SDK1: variants seen among roughly 807,000 people sequenced by gnomAD.
SDK1 encodes sidekick cell adhesion molecule 1.
In SDK1, 157 loss-of-function variants were observed where a neutral mutation model predicts 245.5. That is an observed-to-expected ratio of 0.64 (90% CI 0.56 to 0.73). SDK1 has a LOEUF of 0.73. Ranked by LOEUF, SDK1 falls within the 30% of genes least tolerant of loss-of-function variation. The pLI, the probability that SDK1 is intolerant of heterozygous loss-of-function variation, is 0.00. For missense variants in SDK1, 3,583 were observed against 3,002.3 expected, an observed-to-expected ratio of 1.19 and a Z score of -4.52; for synonymous variants, 1,647 against 1,278.5, an observed-to-expected ratio of 1.29 and a Z score of -6.15.
chr7:4,175,424 G>C (rs959593700), intron 33 of SDK1, among the ~76,000 whole-genome samples: 21 of 152,348 alleles, frequency 1.4e-4, no homozygotes, highest in African/African-American at 4.6e-4. Context: ...CCCTGCGTGA[G>C]CATGAGTCAG....
chr7:3,553,512 C>T (rs948659140), intron 1 of SDK1, among the ~76,000 whole-genome samples: 1 of 152,170 alleles, frequency 6.6e-6, no homozygotes, highest in Non-Finnish European at 1.5e-5. Context: ...CACATTCCCT[C>T]ACCCATCAGG....
At chr7:4,138,605 G>A (rs1214880548) in intron 28 of SDK1, among the ~76,000 whole-genome samples, 1 of 151,912 alleles carries the variant, frequency 6.6e-6, no homozygotes, top group Non-Finnish European at 1.5e-5. Flanking sequence ...AAATTAGCTG[G>A]GCATGTTGGC....
chr7:3,826,387 C>T (rs930829659), intron 5 of SDK1, among the ~76,000 whole-genome samples: 2 of 152,152 alleles, frequency 1.3e-5, no homozygotes, highest in Non-Finnish European at 2.9e-5. Flanking sequence ...TTTCTTGATA[C>T]AATCTAGTTT....
chr7:4,184,370 C>A (rs1217697249), intron 35 of SDK1, among the ~76,000 whole-genome samples: 1 of 152,162 alleles, frequency 6.6e-6, no homozygotes, highest in African/African-American at 2.4e-5. Context: ...GGCCTTGAGA[C>A]CTTGTGCTGC....
At chr7:3,997,809 G>A (rs978791963) in intron 14 of SDK1, among the ~76,000 whole-genome samples, 4 of 152,110 alleles carry the variant, frequency 2.6e-5, no homozygotes, top group African/African-American at 9.7e-5. Context: ...GGGCCTCACC[G>A]GAGACCCACC....
At chr7:3,890,677 C>T (rs1395626849) in intron 5 of SDK1, among the ~76,000 whole-genome samples, 10 of 151,568 alleles carry the variant, frequency 6.6e-5, no homozygotes, top group Middle Eastern at 3.5e-3. Flanking sequence ...TGTGGTAGCT[C>T]GTGCCTGTAA....
intron 5 of SDK1, among the ~76,000 whole-genome samples, chr7:3,939,234 T>C (rs1375557659): frequency 6.6e-6 from 1 of 152,384 alleles, no homozygotes; most frequent in African/African-American, 2.4e-5. Flanking sequence ...CCCACACATG[T>C]GATTCCTCTC....
intron 1 of SDK1, among the ~76,000 whole-genome samples, chr7:3,490,758 T>G (rs1781840872): frequency 6.6e-6 from 1 of 152,192 alleles, no homozygotes; most frequent in Admixed American, 6.5e-5. Flanking sequence ...AGCTCCTGTC[T>G]TACAGTCTCA....
intron 17 of SDK1, among the ~76,000 whole-genome samples, chr7:4,019,424 G>T (rs1786686393): frequency 6.6e-6 from 1 of 152,194 alleles, no homozygotes; most frequent in Admixed American, 6.5e-5. Context: ...TGCTTAGCTA[G>T]TGGGCTGGGG....
At chr7:3,767,520 A>G (rs1410613973) in intron 4 of SDK1, among the ~76,000 whole-genome samples, 1 of 152,234 alleles carries the variant, frequency 6.6e-6, no homozygotes, top group African/African-American at 2.4e-5. Flanking sequence ...AATGAAATTC[A>G]TGATAGCTAA....
At chr7:3,915,787 G>A (rs1779354495) in intron 5 of SDK1, among the ~76,000 whole-genome samples, 1 of 152,164 alleles carries the variant, frequency 6.6e-6, no homozygotes, top group Non-Finnish European at 1.5e-5. Flanking sequence ...GACTGACTGG[G>A]TTTTACACGT....
intron 1 of SDK1, among the ~76,000 whole-genome samples, chr7:3,618,509 G>C (rs141760479): frequency 6.6e-6 from 1 of 152,140 alleles, no homozygotes; most frequent in East Asian, 1.9e-4. Flanking sequence ...CTGCATTCTC[G>C]CTGCAGTGCG....
intron 5 of SDK1, among the ~76,000 whole-genome samples, chr7:3,852,901 T>C (rs1780454271): frequency 6.6e-6 from 1 of 152,136 alleles, no homozygotes; most frequent in Admixed American, 6.5e-5. Context: ...CCCAGAGTTT[T>C]TCTGAGAGAA....
At chr7:3,698,059 C>G (rs1049268595) in intron 4 of SDK1, among the ~76,000 whole-genome samples, 1 of 152,156 alleles carries the variant, frequency 6.6e-6, no homozygotes, top group South Asian at 2.1e-4. Context: ...TGTTGAGAAG[C>G]TAACAGTCCA....
At chr7:3,489,427 C>T (rs1781802409) in intron 1 of SDK1, among the ~76,000 whole-genome samples, 1 of 152,158 alleles carries the variant, frequency 6.6e-6, no homozygotes. Context: ...CTATAAAATT[C>T]TACTCCTGTT....
chr7:4,028,491 G>T (rs917637933), intron 17 of SDK1, among the ~76,000 whole-genome samples: 2 of 152,328 alleles, frequency 1.3e-5, no homozygotes, highest in African/African-American at 2.4e-5. Flanking sequence ...TGGGTGGGAG[G>T]CTGGAGTCTC....
chr7:3,990,044 C>G (rs1784177722), intron 14 of SDK1, among the ~76,000 whole-genome samples: 1 of 152,244 alleles, frequency 6.6e-6, no homozygotes, highest in South Asian at 2.1e-4. Flanking sequence ...GTGTGCTGTC[C>G]TGCACTACAG....
At chr7:3,988,136 T>TG (rs1452356009) in intron 14 of SDK1, among the ~76,000 whole-genome samples, 6 of 130,058 alleles carry the variant, frequency 4.6e-5, no homozygotes, top group Non-Finnish European at 8.1e-5. Context: ...TTTAATGTTT[T>TG]TTTTTTTTTT....
chr7:4,266,643 T>C lies in SDK1; in HGVS notation c.*1259T>C. ...CTAGATGAAAAGAGTATGAACTACT[T>C]TGGAAAACTTAACAGCTCAGAGATG... On this transcript the variant is annotated 3_prime_UTR_variant, in exon 45 of 45. Coordinates refer to ENST00000404826, the MANE Select transcript of SDK1 (RefSeq NM_152744.4). The C allele has an allele frequency of 1.0e-6, 1 of 985,478 alleles. No homozygotes were observed. 61.0% of individuals were successfully genotyped at this position (985,478 alleles called of 1,614,324 possible). A position where few individuals can be genotyped will look rare whatever the true frequency, so the allele number is the denominator to read the frequency against.
Sources: allele counts gnomAD v4.1 joint callset (sites outside exome capture counted in the v4.1 genomes callset), GRCh38; gene constraint gnomAD v4.1.1; transcripts MANE v1.5; gene names NCBI Gene and HGNC (gene_info 2026-07-23, HGNC 2026-07-21).